Variants in STON2 observed in about 807,000 individuals in gnomAD.
STON2 encodes stonin-2.
Under a neutral mutation model 65.7 loss-of-function variants are expected in STON2, and 29 were observed. The ratio of observed to expected loss-of-function variants is 0.44; its 90% confidence interval spans 0.33 to 0.60. STON2 has a LOEUF of 0.60. STON2 is among the 20% of genes least tolerant of loss of function. The pLI, the probability that STON2 is intolerant of heterozygous loss-of-function variation, is 0.03. For synonymous variants in STON2, 404 were observed against 414.2 expected (o/e 0.98, Z 0.30); for missense variants, 1,054 against 1,118.1 (o/e 0.94, Z 0.82).
intron 4 of STON2, among the ~76,000 whole-genome samples, chr14:81,335,664 G>A (rs147698415): frequency 2.3e-3 from 356 of 152,280 alleles, no homozygotes; most frequent in African/African-American, 4.5e-3. Flanking sequence ...TCAGAGTATC[G>A]CAATGGGTTC....
intron 4 of STON2, among the ~76,000 whole-genome samples, chr14:81,330,108 AAAAAC>A (rs772038075): frequency 6.4e-4 from 97 of 152,184 alleles, no homozygotes; most frequent in Non-Finnish European, 1.1e-3. Flanking sequence ...ATGGCCTAAT[AAAAAC>A]ATCTACACTC....
intron 1 of STON2, among the ~76,000 whole-genome samples, chr14:81,399,177 C>T (rs972360151): frequency 1.3e-5 from 2 of 152,198 alleles, no homozygotes; most frequent in African/African-American, 4.8e-5. Context: ...CATTTTCAAT[C>T]TAGGCCTATT....
At chr14:81,309,058 G>C (rs1896321927) in intron 5 of STON2, among the ~76,000 whole-genome samples, 1 of 143,820 alleles carries the variant, frequency 7.0e-6, no homozygotes, top group Non-Finnish European at 1.5e-5. Flanking sequence ...CTGCTTCTAT[G>C]AGAATGGAAA....
upstream of STON2, among the ~76,000 whole-genome samples, chr14:81,401,295 C>T (rs11846655): frequency 0.019 from 2,897 of 152,114 alleles, 111 homozygotes; most frequent in African/African-American, 0.067. Flanking sequence ...AACGTATGAA[C>T]GAAAAAAGAG....
chr14:81,278,479 G>A lies in STON2; in HGVS notation c.1003C>T (p.Arg335Cys), dbSNP rs774240400. The change falls in exon 6 of 8, where the codon CGT (arginine) becomes TGT (cysteine). Residue 335 changes from arginine to cysteine, a missense_variant. Coordinates refer to ENST00000614646, the MANE Select transcript of STON2 (RefSeq NM_001394390.1). ...NSMGSFKKRD[R>C]PKSTLMNFSK... is the part of the protein sequence containing the mutation. Reference sequence around the variant, plus strand: ...AAGTTCATCAAAGTGCTCTTGGGACGGTCCCTCTTCTTAAATGATCCCATT... The same window carrying A: ...AAGTTCATCAAAGTGCTCTTGGGACAGTCCCTCTTCTTAAATGATCCCATT... 23 of 1,614,184 alleles carry A rather than the reference G, an allele frequency of 1.4e-5. 1 individual carries two copies. The highest frequency in any genetic ancestry group is 4.0e-5 in the African/African-American group (3 of 75,044).
intron 5 of STON2, among the ~76,000 whole-genome samples, chr14:81,316,930 G>C (rs889210423): frequency 6.6e-6 from 1 of 152,176 alleles, no homozygotes; most frequent in African/African-American, 2.4e-5. Flanking sequence ...TGAGGCAGGA[G>C]AATGGCGTGA....
intron 4 of STON2, among the ~76,000 whole-genome samples, chr14:81,346,818 A>G (rs902139178): frequency 6.6e-6 from 1 of 152,254 alleles, no homozygotes; most frequent in African/African-American, 2.4e-5. Flanking sequence ...ATGTTCCTAA[A>G]CAACCATGGG....
At chr14:81,378,048 T>C (rs1294112965) in intron 3 of STON2, among the ~76,000 whole-genome samples, 2 of 152,116 alleles carry the variant, frequency 1.3e-5, no homozygotes, top group Non-Finnish European at 2.9e-5. Context: ...AGTTTCACCA[T>C]GTTGGTCAGG....
chr14:81,261,752 T>C lies in STON2; in HGVS notation c.*6662A>G, dbSNP rs980998926. ...GGTAGCACCCAAATCCTAACATCTA[T>C]TTTGGAGACCTGTCTGTGCCTCTTC... is the stretch of plus-strand genomic sequence containing the variant. On this transcript the variant is annotated 3_prime_UTR_variant, in exon 8 of 8. Coordinates refer to ENST00000614646, the MANE Select transcript of STON2 (RefSeq NM_001394390.1). The C allele has an allele frequency of 1.3e-6, 2 of 1,487,144 alleles. No homozygotes were observed. The highest frequency in any genetic ancestry group is 5.0e-5 in the Admixed American group (2 of 39,852). The allele number at this position is 1,487,144 out of a possible 1,614,324, so 92.1% of individuals were successfully genotyped here.
intron 7 of STON2, chr14:81,269,318 TTCTC>T (rs1414415193): frequency 1.0e-6 from 1 of 985,320 alleles, no homozygotes; most frequent in East Asian, 1.1e-4. Context: ...CTCCAGTACT[TTCTC>T]TCTTTAGAAA....
chr14:81,416,201 A>C (rs17111794), intron 2 of STON2, among the ~76,000 whole-genome samples: 8,810 of 152,260 alleles, frequency 0.058, 390 homozygotes, highest in African/African-American at 0.12. Context: ...GCTGCAGGTA[A>C]ACCTTTTCAT....
intron 4 of STON2, among the ~76,000 whole-genome samples, chr14:81,349,288 A>G (rs1897935477): frequency 6.6e-6 from 1 of 152,150 alleles, no homozygotes; most frequent in Non-Finnish European, 1.5e-5. Flanking sequence ...AAATAATAAT[A>G]GTGCAAAGAG....
intron 4 of STON2, among the ~76,000 whole-genome samples, chr14:81,357,082 C>T (rs1898271466): frequency 6.6e-6 from 1 of 151,922 alleles, no homozygotes; most frequent in African/African-American, 2.4e-5. Context: ...TTCTGCATAG[C>T]AAAAGAAACT....
At chr14:81,431,434 T>C (rs1902221182) in intron 1 of STON2, among the ~76,000 whole-genome samples, 1 of 152,126 alleles carries the variant, frequency 6.6e-6, no homozygotes, top group Non-Finnish European at 1.5e-5. Flanking sequence ...GGTCAGGAGT[T>C]CGAGACCAGC....
At chr14:81,419,164 G>A (rs1901584003) in intron 2 of STON2, among the ~76,000 whole-genome samples, 1 of 152,002 alleles carries the variant, frequency 6.6e-6, no homozygotes, top group African/African-American at 2.4e-5. Context: ...AATATCTTGT[G>A]AGTGCTTACT....
chr14:81,307,962 C>T (rs1051444873), intron 5 of STON2, among the ~76,000 whole-genome samples: 5 of 152,094 alleles, frequency 3.3e-5, no homozygotes, highest in Admixed American at 6.6e-5. Flanking sequence ...GGGTGGCATT[C>T]CTAACTCCCA....
chr14:81,352,541 T>C (rs1032341314), intron 4 of STON2, among the ~76,000 whole-genome samples: 5 of 151,996 alleles, frequency 3.3e-5, no homozygotes, highest in South Asian at 2.1e-4. Flanking sequence ...CCCTACAGGA[T>C]TGGGAACAGA....
chr14:81,432,345 A>G (rs1902258482), intron 1 of STON2, among the ~76,000 whole-genome samples: 1 of 152,096 alleles, frequency 6.6e-6, no homozygotes, highest in Non-Finnish European at 1.5e-5. Flanking sequence ...CTCGTAGTAT[A>G]AGCCAAACCA....
intron 7 of STON2, 197 bp downstream of exon 7, chr14:81,270,473 T>C: frequency 6.7e-7 from 1 of 1,492,788 alleles, no homozygotes; most frequent in Non-Finnish European, 8.9e-7. Context: ...TTTTCCAACC[T>C]TTCTCTCATC....
Sources: allele counts gnomAD v4.1 joint callset (sites outside exome capture counted in the v4.1 genomes callset), GRCh38; gene constraint gnomAD v4.1.1; transcripts MANE v1.5; gene names NCBI Gene and HGNC (gene_info 2026-07-23, HGNC 2026-07-21).